The following DOK5 variants were observed in gnomAD, a reference collection of about 807,000 sequenced individuals.
The protein encoded by DOK5 is downstream of tyrosine kinase 5.
A neutral mutation model predicts 43.3 loss-of-function variants in DOK5; 27 were observed. The observed-to-expected ratio is 0.62, with a 90% CI of 0.46 to 0.86. The LOEUF is 0.86. Ranked by LOEUF, DOK5 falls within the 40% of genes least tolerant of loss-of-function variation. DOK5 has a pLI of 0.00. For synonymous variants in DOK5, 146 were observed against 140.1 expected (o/e 1.04, Z -0.30); for missense variants, 373 against 392.9 (o/e 0.95, Z 0.43).
At chr20:54,613,631 T>G (rs1412818031) in intron 6 of DOK5, among the ~76,000 whole-genome samples, 3 of 152,220 alleles carry the variant, frequency 2.0e-5, no homozygotes, top group Non-Finnish European at 2.9e-5. Context: ...ATTGTCTCTT[T>G]AAATATCATC....
chr20:54,613,722 G>A (rs911788249), intron 6 of DOK5, among the ~76,000 whole-genome samples: 4 of 152,058 alleles, frequency 2.6e-5, no homozygotes, highest in Admixed American at 6.6e-5. Flanking sequence ...GGTTGGGTAC[G>A]GTGGCTCACA....
chr20:54,610,039 C>G (rs1203382025), intron 5 of DOK5, among the ~76,000 whole-genome samples: 4 of 152,186 alleles, frequency 2.6e-5, no homozygotes, highest in Non-Finnish European at 5.9e-5. Context: ...AAGGAATACG[C>G]TTGCACAGGT....
chr20:54,644,384 C>CA (rs1423410151), intron 7 of DOK5, among the ~76,000 whole-genome samples: 1 of 151,626 alleles, frequency 6.6e-6, no homozygotes, highest in African/African-American at 2.4e-5. Flanking sequence ...CCAGCCTGGC[C>CA]AACATGGTGA....
At chr20:54,605,943 T>C (rs1357282047) in intron 5 of DOK5, among the ~76,000 whole-genome samples, 7 of 152,226 alleles carry the variant, frequency 4.6e-5, no homozygotes, top group African/African-American at 1.7e-4. Context: ...TTTGTTTACA[T>C]ATAAAAATGC....
intron 2 of DOK5, among the ~76,000 whole-genome samples, chr20:54,576,258 T>A (rs1706248806): frequency 6.6e-6 from 1 of 152,112 alleles, no homozygotes; most frequent in African/African-American, 2.4e-5. Context: ...GAGATACATA[T>A]AAGATGAAAG....
intron 1 of DOK5, among the ~76,000 whole-genome samples, chr20:54,531,875 A>G (rs1044220388): frequency 3.3e-5 from 5 of 152,236 alleles, no homozygotes; most frequent in African/African-American, 1.2e-4. Context: ...TGCCCCTCAT[A>G]GAATTTACAG....
At chr20:54,546,345 G>C (rs1984344645) in intron 1 of DOK5, among the ~76,000 whole-genome samples, 1 of 152,170 alleles carries the variant, frequency 6.6e-6, no homozygotes, top group Admixed American at 6.6e-5. Flanking sequence ...AGTGCCAATA[G>C]GAGTAGCACA....
intron 1 of DOK5, among the ~76,000 whole-genome samples, chr20:54,552,584 C>T (rs6091917): frequency 6.6e-6 from 1 of 151,908 alleles, no homozygotes; most frequent in Admixed American, 6.6e-5. Flanking sequence ...CTTTATATAG[C>T]TACTAATGTT....
intron 1 of DOK5, 95 bp from the exon 2 acceptor site, chr20:54,554,838 A>G: frequency 1.3e-6 from 1 of 791,016 alleles, no homozygotes; most frequent in Non-Finnish European, 2.1e-6. Flanking sequence ...TCTGGCTTGC[A>G]AATATTTCAC....
chr20:54,562,523 G>A (rs1424483153), intron 2 of DOK5, among the ~76,000 whole-genome samples: 2 of 152,142 alleles, frequency 1.3e-5, no homozygotes, highest in East Asian at 3.9e-4. Context: ...GGCTTAAGCA[G>A]TCCTCCCACC....
chr20:54,493,059 C>CAAAAAA (rs66973631), intron 1 of DOK5, among the ~76,000 whole-genome samples: 1 of 59,516 alleles, frequency 1.7e-5, no homozygotes, highest in Non-Finnish European at 3.4e-5. Flanking sequence ...TGTCCCCCTC[C>CAAAAAA]AAAAAAAAAA....
chr20:54,568,150 G>T (rs941571990), intron 2 of DOK5, among the ~76,000 whole-genome samples: 2 of 152,100 alleles, frequency 1.3e-5, no homozygotes, highest in African/African-American at 4.8e-5. Context: ...TGGACTATTT[G>T]TTTTTTGTTA....
intron 6 of DOK5, among the ~76,000 whole-genome samples, chr20:54,640,567 G>A (rs1569984): frequency 0.78 from 119,078 of 152,226 alleles, 46,822 homozygotes; most frequent in East Asian, 1. Flanking sequence ...AAAATTAGAT[G>A]TTTTTCCAAA....
chr20:54,505,212 G>A (rs1982760035), intron 1 of DOK5, among the ~76,000 whole-genome samples: 1 of 152,076 alleles, frequency 6.6e-6, no homozygotes, highest in Non-Finnish European at 1.5e-5. Flanking sequence ...TAAATCAGGG[G>A]TTGGTAAATT....
intron 1 of DOK5, among the ~76,000 whole-genome samples, chr20:54,514,625 CAG>C (rs139382180): frequency 0.11 from 14,057 of 126,072 alleles, 757 homozygotes; most frequent in Middle Eastern, 0.16. Context: ...GAAAGGCAAT[CAG>C]GGGAGAGCAA....
intron 6 of DOK5, among the ~76,000 whole-genome samples, chr20:54,618,997 A>G (rs980972213): frequency 2.1e-4 from 29 of 138,536 alleles, no homozygotes; most frequent in Non-Finnish European, 3.7e-4. Context: ...AGCCTGGGCA[A>G]CAGAACAAGA....
At chr20:54,478,481 A>G (rs183036818) in intron 1 of DOK5, among the ~76,000 whole-genome samples, 122 of 152,344 alleles carry the variant, frequency 8.0e-4, no homozygotes, top group Non-Finnish European at 1.2e-3. Context: ...ATGTTGAAAT[A>G]TGTGCTGAAC....
At chr20:54,578,165 T>C (rs1985515244) in intron 2 of DOK5, among the ~76,000 whole-genome samples, 1 of 152,188 alleles carries the variant, frequency 6.6e-6, no homozygotes, top group Admixed American at 6.5e-5. Flanking sequence ...TTTACCACTA[T>C]GTGCTGTGAA....
chr20:54,646,317 G>A (rs921548004), intron 7 of DOK5, among the ~76,000 whole-genome samples: 8 of 137,264 alleles, frequency 5.8e-5, no homozygotes, highest in Non-Finnish European at 3.0e-5. Flanking sequence ...GCAGTGGTGC[G>A]ATCATGGCTC....
Sources: allele counts gnomAD v4.1 joint callset (sites outside exome capture counted in the v4.1 genomes callset), GRCh38; gene constraint gnomAD v4.1.1; transcripts MANE v1.5; gene names NCBI Gene and HGNC (gene_info 2026-07-23, HGNC 2026-07-21).